Variants in DLC1 observed in about 807,000 individuals in gnomAD.
The protein encoded by DLC1 is DLC1 Rho GTPase activating protein.
In DLC1, 54 loss-of-function variants were observed where a neutral mutation model predicts 140.3. That is an observed-to-expected ratio of 0.38 (90% confidence interval 0.31 to 0.48). The LOEUF (loss-of-function observed/expected upper bound fraction) is 0.48. Among genes scored for constraint, DLC1 ranks in the 20% least tolerant of loss-of-function variants. The pLI is 0.96. For synonymous variants in DLC1, 986 were observed against 728.1 expected, an observed-to-expected ratio of 1.35 and a Z score of -5.70; for missense variants, 2,536 against 1,907.0, an observed-to-expected ratio of 1.33 and a Z score of -6.14.
intron 5 of DLC1, among the ~76,000 whole-genome samples, chr8:13,301,223 CA>C (rs754993209): frequency 0.01 from 1,331 of 131,904 alleles, 13 homozygotes; most frequent in African/African-American, 0.026. Flanking sequence ...GTCTAATAGA[CA>C]AAAAAAAAAA....
chr8:13,129,187 A>G (rs1383878503), intron 5 of DLC1, among the ~76,000 whole-genome samples: 5 of 152,242 alleles, frequency 3.3e-5, no homozygotes, highest in Non-Finnish European at 5.9e-5. Context: ...ACTCATTCCT[A>G]TAAAACATAC....
chr8:13,366,167 T>C (rs1835470604), intron 4 of DLC1, among the ~76,000 whole-genome samples: 1 of 152,242 alleles, frequency 6.6e-6, no homozygotes, highest in Non-Finnish European at 1.5e-5. Context: ...GGGTTCCTCC[T>C]AGTCCTGGAA....
chr8:13,442,749 G>T lies in DLC1; in HGVS notation c.1024-41130C>A, dbSNP rs377602020. 6.6e-5 allele frequency among the ~76,000 whole-genome samples: 10 copies of T among 152,336 alleles called. No homozygotes were observed. The South Asian group carries it at 2.1e-3, about 32-fold the overall frequency. The stretch of plus-strand genomic sequence containing the variant: ...GGAGATATAGGAACACTTTTACACT[G>T]TTGGTGGGACTGTAAACTAGTTCAA... On this transcript the variant is annotated intron_variant, in intron 2 of 17. Coordinates refer to ENST00000276297, the MANE Select transcript of DLC1 (RefSeq NM_182643.3).
intron 1 of DLC1, among the ~76,000 whole-genome samples, chr8:13,585,219 C>G (rs1307153643): frequency 1.3e-5 from 2 of 152,024 alleles, no homozygotes; most frequent in Non-Finnish European, 2.9e-5. Context: ...TTATTCAAGA[C>G]AAGGTGACCC....
At position 13,108,393 on chromosome 8, in the gene DLC1, A is replaced by G. The variant is rs193064292; in HGVS notation, c.1502+2349T>C. On this transcript the variant is annotated intron_variant, in intron 7 of 17. Coordinates refer to ENST00000276297, the MANE Select transcript of DLC1 (RefSeq NM_182643.3). ...ATGCAGGAGAGAAAACTGAAGCCCA[A>G]CTAGCATATGTGGCAGAGTCTGCTT... 7.2e-5 allele frequency among the ~76,000 whole-genome samples: 11 copies of G among 152,346 alleles called. No individual in the cohort carries two copies. In the East Asian group the frequency reaches 1.4e-3, roughly 19 times the overall value.
intron 1 of DLC1, among the ~76,000 whole-genome samples, chr8:13,533,831 T>C (rs1803181202): frequency 6.6e-6 from 1 of 152,130 alleles, no homozygotes; most frequent in South Asian, 2.1e-4. Context: ...GATCTGATAG[T>C]TCTATAAGTG....
intron 4 of DLC1, among the ~76,000 whole-genome samples, chr8:13,390,509 G>A (rs962216700): frequency 6.6e-6 from 1 of 152,076 alleles, no homozygotes; most frequent in African/African-American, 2.4e-5. Flanking sequence ...GGATTGCTGG[G>A]TCAAATCATA....
chr8:13,093,971 G>C (rs900203576), intron 12 of DLC1, among the ~76,000 whole-genome samples: 1 of 152,200 alleles, frequency 6.6e-6, no homozygotes, highest in African/African-American at 2.4e-5. Context: ...GTTCTCCCAA[G>C]TATTTCTGGC....
At chr8:13,132,205 C>CTGTGTGTGTGTGTGTGTG (rs147699066) in intron 5 of DLC1, among the ~76,000 whole-genome samples, 53 of 139,208 alleles carry the variant, frequency 3.8e-4, no homozygotes, top group African/African-American at 1.4e-3. Flanking sequence ...AAAACCAAAA[C>CTGTGTGTGTGTGTGTGTG]TGTGTGTGTG....
At chr8:13,544,438 T>C (rs544380901) in intron 1 of DLC1, among the ~76,000 whole-genome samples, 1 of 152,286 alleles carries the variant, frequency 6.6e-6, no homozygotes, top group East Asian at 1.9e-4. Flanking sequence ...AATCTGTACA[T>C]AGAAGATTAA....
At chr8:13,514,462 C>T (rs1802515123) in intron 1 of DLC1, 140 bp downstream of exon 1, 1 of 396,596 alleles carries the variant, frequency 2.5e-6, no homozygotes, top group African/African-American at 2.1e-5. Context: ...ACTTATCAAA[C>T]ATTTTCCACT....
chr8:13,133,392 A>T, intron 5 of DLC1: 1 of 839,322 alleles, frequency 1.2e-6, no homozygotes, highest in African/African-American at 2.1e-5. Context: ...TCTGGGTCGC[A>T]GGCCTTAGCG....
At chr8:13,173,962 C>A (rs1428741456) in intron 5 of DLC1, among the ~76,000 whole-genome samples, 2 of 152,076 alleles carry the variant, frequency 1.3e-5, no homozygotes, top group Non-Finnish European at 2.9e-5. Context: ...TCTCATCACC[C>A]AGGTAGTGAA....
intron 1 of DLC1, among the ~76,000 whole-genome samples, chr8:13,530,549 T>G (rs1015162969): frequency 6.6e-6 from 1 of 152,124 alleles, no homozygotes; most frequent in African/African-American, 2.4e-5. Flanking sequence ...AGTATATCCT[T>G]GAGCCAGACC....
At chr8:13,329,099 G>A (rs552965836) in intron 4 of DLC1, among the ~76,000 whole-genome samples, 33 of 152,194 alleles carry the variant, frequency 2.2e-4, no homozygotes, top group South Asian at 4.1e-4. Flanking sequence ...AATATCACAG[G>A]AGCATCAACT....
intron 5 of DLC1, among the ~76,000 whole-genome samples, chr8:13,274,613 A>G (rs952690190): frequency 3.9e-5 from 6 of 152,360 alleles, no homozygotes; most frequent in Middle Eastern, 3.4e-3. Context: ...TAACAGACAA[A>G]TAAGAAGAAA....
intron 5 of DLC1, among the ~76,000 whole-genome samples, chr8:13,210,371 CAAT>C (rs1190247189): frequency 6.6e-6 from 1 of 152,088 alleles, no homozygotes; most frequent in Non-Finnish European, 1.5e-5. Context: ...ATGACATCAA[CAAT>C]GTCATTGTCA....
chr8:13,402,936 AT>A (rs1423141999), intron 2 of DLC1, among the ~76,000 whole-genome samples: 1 of 152,218 alleles, frequency 6.6e-6, no homozygotes, highest in Admixed American at 6.5e-5. Context: ...TTACACAGGT[AT>A]TATCTTTCAC....
chr8:13,555,872 G>A (rs189591989), intron 1 of DLC1, among the ~76,000 whole-genome samples: 169 of 151,920 alleles, frequency 1.1e-3, no homozygotes, highest in African/African-American at 3.9e-3. Context: ...CATATTAATG[G>A]TGCATACATA....
Sources: allele counts gnomAD v4.1 joint callset (sites outside exome capture counted in the v4.1 genomes callset), GRCh38; gene constraint gnomAD v4.1.1; transcripts MANE v1.5; gene names NCBI Gene and HGNC (gene_info 2026-07-23, HGNC 2026-07-21).